NUTM2E: variants seen among roughly 807,000 people sequenced by gnomAD.
NUTM2E encodes the protein NUT family member 2E.
Under a neutral mutation model 26.1 loss-of-function variants are expected in NUTM2E, and 3 were observed. That is an observed-to-expected ratio of 0.12 (90% CI 0.05 to 0.30). The LOEUF (loss-of-function observed/expected upper bound fraction) is 0.30, where lower values mean the gene tolerates loss of function less well. Among genes scored for constraint, NUTM2E ranks in the 10% least tolerant of loss-of-function variants. The probability of loss-of-function intolerance (pLI) is 1.00; values close to 1 mark genes in which losing one functional copy is unlikely to be tolerated. For synonymous variants in NUTM2E, 13 were observed against 157.5 expected (o/e 0.08, Z 6.87); for missense variants, 62 against 381.3 (o/e 0.16, Z 6.97).
chr10:79,849,094 G>C lies in NUTM2E; in HGVS notation c.1734+199G>C, dbSNP rs990450238. Among the ~76,000 whole-genome samples, 4 of 108,802 alleles carry C rather than the reference G, an allele frequency of 3.7e-5. 1 individual carries two copies. The highest frequency in any genetic ancestry group is 1.2e-4 in the African/African-American group (4 of 34,188). The allele number at this position is 108,802 out of a possible 152,430, so 71.4% of individuals were successfully genotyped here. A position where few individuals can be genotyped will look rare whatever the true frequency, so the allele number is the denominator to read the frequency against. On this transcript the variant is annotated intron_variant, in intron 8 of 9. Coordinates refer to ENST00000429984, the MANE Select transcript of NUTM2E (RefSeq NM_001355263.2). Reference sequence around the variant, plus strand: ...TGTGTCTTTGTGTGTCTGTGTAGGTGTGAGTGTGGAGTGTGTACGTTACCT... The same window carrying C: ...TGTGTCTTTGTGTGTCTGTGTAGGTCTGAGTGTGGAGTGTGTACGTTACCT...
chr10:79,827,912 G>T (rs1380018723), intron 1 of NUTM2E, among the ~76,000 whole-genome samples: 1 of 149,972 alleles, frequency 6.7e-6, no homozygotes, highest in Non-Finnish European at 1.5e-5. Context: ...TCCTACCTCA[G>T]CCTCCCAAGT....
intron 1 of NUTM2E, among the ~76,000 whole-genome samples, chr10:79,830,520 A>G (rs1389906941): frequency 6.6e-6 from 1 of 151,786 alleles, no homozygotes; most frequent in Non-Finnish European, 1.5e-5. Flanking sequence ...AATGAAAGTA[A>G]TAATAATTCC....
chr10:79,843,371 C>T (rs1842006997), intron 4 of NUTM2E, among the ~76,000 whole-genome samples: 2 of 28,144 alleles, frequency 7.1e-5, no homozygotes, highest in African/African-American at 1.4e-4. Flanking sequence ...TCACCATTTG[C>T]TGGCTGTGTT....
intron 1 of NUTM2E, among the ~76,000 whole-genome samples, chr10:79,832,426 A>G (rs1408308195): frequency 4.6e-5 from 7 of 151,708 alleles, no homozygotes; most frequent in Admixed American, 4.0e-4. Flanking sequence ...TGAATGTACG[A>G]TAGGAGCTGG....
intron 1 of NUTM2E, among the ~76,000 whole-genome samples, chr10:79,832,308 G>T (rs1306951138): frequency 6.6e-6 from 1 of 151,356 alleles, no homozygotes; most frequent in Non-Finnish European, 1.5e-5. Context: ...ATGTCTATGT[G>T]TGTGTGCATG....
intron 1 of NUTM2E, among the ~76,000 whole-genome samples, chr10:79,827,897 G>T (rs1841898449): frequency 1.3e-5 from 2 of 149,840 alleles, no homozygotes; most frequent in South Asian, 4.3e-4. Context: ...AAGTTCAAGT[G>T]ATTCTCCTAC....
intron 1 of NUTM2E, among the ~76,000 whole-genome samples, chr10:79,834,054 C>A (rs1419949763): frequency 2.6e-5 from 4 of 151,884 alleles, no homozygotes; most frequent in African/African-American, 9.6e-5. Flanking sequence ...AGTTCATGTT[C>A]TTTGCAGGGA....
intron 1 of NUTM2E, among the ~76,000 whole-genome samples, chr10:79,832,736 A>T (rs1841934800): frequency 1.3e-5 from 2 of 151,758 alleles, no homozygotes. Context: ...ATTCAAAGTA[A>T]CAAAAAGCCT....
At chr10:79,835,527 C>T (rs1413763127) in intron 1 of NUTM2E, among the ~76,000 whole-genome samples, 44 of 104,494 alleles carry the variant, frequency 4.2e-4, no homozygotes, top group Non-Finnish European at 7.9e-4. Context: ...GCCACGTCAG[C>T]AGTAGGCAGA....
intron 1 of NUTM2E, among the ~76,000 whole-genome samples, chr10:79,837,213 A>G (rs1461292705): frequency 1.3e-5 from 2 of 152,012 alleles, no homozygotes; most frequent in African/African-American, 4.8e-5. Context: ...TTAATGTCAA[A>G]ACATACTTTG....
rs539203526 is a variant in NUTM2E at position 79,836,635 on chromosome 10, A to T, written c.-2727-1674A>T. On this transcript the variant is annotated intron_variant, in intron 1 of 9. Coordinates refer to ENST00000429984, the MANE Select transcript of NUTM2E (RefSeq NM_001355263.2). ...TACAAATTACATGTGAATTTGACTT[A>T]TGAACTCTTCACATCCACTACCTCA... Among the ~76,000 whole-genome samples the T allele has an allele frequency of 2.1e-3, 325 of 152,036 alleles. 2 individuals are homozygous for T. Among genetic ancestry groups the T allele is most frequent in the African/African-American group, 7.2e-3 (301 of 41,540 alleles).
chr10:79,834,337 A>G (rs1841947056), intron 1 of NUTM2E, among the ~76,000 whole-genome samples: 1 of 151,816 alleles, frequency 6.6e-6, no homozygotes, highest in African/African-American at 2.4e-5. Flanking sequence ...CACATGTATA[A>G]CTTAAGTATC....
intron 1 of NUTM2E, among the ~76,000 whole-genome samples, chr10:79,832,425 G>T (rs946135548): frequency 6.6e-6 from 1 of 151,676 alleles, no homozygotes; most frequent in Non-Finnish European, 1.5e-5. Flanking sequence ...TTGAATGTAC[G>T]ATAGGAGCTG....
At chr10:79,847,083 T>A (rs1350516853) in intron 6 of NUTM2E, 125 bp downstream of exon 6, 1 of 848,046 alleles carries the variant, frequency 1.2e-6, no homozygotes, top group Non-Finnish European at 1.8e-6. Context: ...CAGGACACTC[T>A]GGGCCCCTGG....
At chr10:79,833,095 C>T (rs1363404473) in intron 1 of NUTM2E, among the ~76,000 whole-genome samples, 3 of 151,840 alleles carry the variant, frequency 2.0e-5, no homozygotes, top group Non-Finnish European at 4.4e-5. Context: ...AGAAAAGTCA[C>T]TTATGTGGCC....
intron 1 of NUTM2E, among the ~76,000 whole-genome samples, chr10:79,833,760 G>T (rs902823218): frequency 2.0e-5 from 3 of 151,904 alleles, no homozygotes; most frequent in African/African-American, 7.2e-5. Flanking sequence ...TACACTGTTG[G>T]TGGGAGTGTA....
chr10:79,835,389 G>A (rs1407688137), intron 1 of NUTM2E, among the ~76,000 whole-genome samples: 1 of 146,686 alleles, frequency 6.8e-6, no homozygotes, highest in Non-Finnish European at 1.5e-5. Flanking sequence ...CCGTGGATTA[G>A]GAATCTGAAA....
intron 2 of NUTM2E, among the ~76,000 whole-genome samples, 71 bp downstream of exon 2, chr10:79,838,657 G>A (rs569813894): frequency 9.2e-5 from 14 of 151,598 alleles, no homozygotes; most frequent in African/African-American, 2.9e-4. Context: ...GAACGCTTCC[G>A]CCTTGAGCAC....
chr10:79,839,148 AAC>A (rs1416074851), intron 3 of NUTM2E, among the ~76,000 whole-genome samples, 33 bp downstream of exon 3: 2 of 151,650 alleles, frequency 1.3e-5, no homozygotes, highest in East Asian at 3.9e-4. Context: ...GCACCTAGGT[AAC>A]ACCCTTGCTG....
Sources: allele counts gnomAD v4.1 joint callset (sites outside exome capture counted in the v4.1 genomes callset), GRCh38; gene constraint gnomAD v4.1.1; transcripts MANE v1.5; gene names NCBI Gene and HGNC (gene_info 2026-07-23, HGNC 2026-07-21).